The following MGAM2 variants were observed in gnomAD, a reference collection of about 807,000 sequenced individuals.
MGAM2 encodes maltase-glucoamylase 2 (putative).
MGAM2 carries 98 observed loss-of-function variants against 96.1 expected under a neutral mutation model. The observed-to-expected ratio is 1.02, with a 90% CI of 0.87 to 1.21. The LOEUF (loss-of-function observed/expected upper bound fraction) is 1.21. MGAM2 is among the 50% of genes most tolerant of loss of function. MGAM2 has a pLI of 0.00. For missense variants in MGAM2, 2,055 were observed against 1,182.4 expected, an observed-to-expected ratio of 1.74 and a Z score of -10.82; for synonymous variants, 749 against 414.8, an observed-to-expected ratio of 1.81 and a Z score of -9.79.
chr7:142,153,720 G>A (rs982948259), intron 15 of MGAM2, among the ~76,000 whole-genome samples: 3 of 152,160 alleles, frequency 2.0e-5, no homozygotes, highest in African/African-American at 7.2e-5. Context: ...TGACCAAAAG[G>A]ACCAGACCAC....
Position 142,189,522 on chromosome 7 carries a change from C to G in MGAM2, c.4346+17C>G. ...CACATACGAGTGAGTGTCTTTTTGT[C>G]ACAGCAGCAAAGATAATTTTCCACA... On this transcript the variant is annotated intron_variant, in intron 37 of 47. Transcript: ENST00000477922. 1.4e-6 allele frequency: 1 copy of G among 729,140 alleles called. No homozygotes were observed. The highest frequency in any genetic ancestry group is 2.4e-6 in the Non-Finnish European group (1 of 417,898). 45.2% of individuals were successfully genotyped at this position (729,140 alleles called of 1,614,324 possible).
chr7:142,209,397 G>A (rs927224337), intron 46 of MGAM2, among the ~76,000 whole-genome samples: 2 of 152,066 alleles, frequency 1.3e-5, no homozygotes, highest in Non-Finnish European at 2.9e-5. Context: ...CATGGAAAGG[G>A]GTATGGATTT....
At position 142,187,644 on chromosome 7, in the gene MGAM2, G is replaced by C. The variant is rs76805546; in HGVS notation, c.4123-106G>C. On this transcript the variant is annotated intron_variant, in intron 35 of 47. Transcript: ENST00000477922. ...TTAAACACAGTGAACTAAACCACCA[G>C]CTGAGCTGAGGGCTTCAAAAGTCAT... 1.1e-5 allele frequency: 7 copies of C among 617,610 alleles called. No individual in the cohort carries two copies. The East Asian group carries it at 1.9e-4, about 17-fold the overall frequency. 38.3% of individuals were successfully genotyped at this position (617,610 alleles called of 1,614,324 possible).
intron 10 of MGAM2, among the ~76,000 whole-genome samples, chr7:142,138,999 C>T (rs895972162): frequency 6.6e-6 from 1 of 152,134 alleles, no homozygotes. Flanking sequence ...TAAGGAATGC[C>T]TTATACTGTG....
rs867444495 is a variant in MGAM2, at chr7:142,132,556, A to C, written c.575+471A>C. ...TATATAAAATATATAATTTAATTATACATTCCATATACTTTATATAATTTA... is the reference window on the plus strand; with the variant it reads ...TATATAAAATATATAATTTAATTATCCATTCCATATACTTTATATAATTTA... On this transcript the variant is annotated intron_variant, in intron 6 of 47. Coordinates refer to ENST00000477922, the MANE Select transcript of MGAM2 (RefSeq NM_001293626.2). 4.2e-3 allele frequency among the ~76,000 whole-genome samples: 565 copies of C among 132,962 alleles called. 4 individuals are homozygous for C. The highest frequency in any genetic ancestry group is 0.015 in the African/African-American group (537 of 34,904). The allele number at this position is 132,962 out of a possible 152,430, so 87.2% of individuals were successfully genotyped here.
intron 28 of MGAM2, among the ~76,000 whole-genome samples, 164 bp downstream of exon 28, chr7:142,171,604 G>T (rs7796300): frequency 0.15 from 8,816 of 59,668 alleles, 660 homozygotes; most frequent in African/African-American, 0.25. Flanking sequence ...TCCCTAAAAG[G>T]CATATATATA....
At position 142,121,098 on chromosome 7, in the gene MGAM2, T is replaced by C. The variant is rs1013759285; in HGVS notation, c.186+717T>C. Among the ~76,000 whole-genome samples, 4 of 152,332 alleles carry C rather than the reference T, an allele frequency of 2.6e-5. No individual in the cohort carries two copies. In the South Asian group the frequency reaches 8.3e-4, roughly 32 times the overall value. On this transcript the variant is annotated intron_variant, in intron 3 of 47. Coordinates refer to ENST00000477922, the MANE Select transcript of MGAM2 (RefSeq NM_001293626.2). Reference sequence around the variant, plus strand: ...GGTTAAAGTTTAAACAATATTCACATTTTGATAGTTTTGAATCTTCTTGTT... The same window carrying C: ...GGTTAAAGTTTAAACAATATTCACACTTTGATAGTTTTGAATCTTCTTGTT...
Position 142,220,066 on chromosome 7 carries a change from C to A in MGAM2, c.5555C>A (p.Thr1852Asn), listed in dbSNP as rs1380783269. The A allele has an allele frequency of 2.8e-6, 2 of 702,816 alleles. No homozygotes were observed. Among genetic ancestry groups the A allele is most frequent in the Non-Finnish European group, 5.2e-6 (2 of 384,938 alleles). 43.5% of individuals were successfully genotyped at this position (702,816 alleles called of 1,614,324 possible). Residue 1852 changes from threonine (T) to asparagine (N), a missense_variant, in exon 48 of 48, where the codon ACT becomes AAT. Physicochemically the swap from Thr to Asn is moderately conservative, Grantham distance 65 (BLOSUM62 0). Coordinates refer to ENST00000477922, the MANE Select transcript of MGAM2 (RefSeq NM_001293626.2). ...ITSSASANTT[T>N]GTTDTVPITT... The stretch of plus-strand genomic sequence containing the variant: ...AGTTCTGCCAGTGCAAATACTACCA[C>A]TGGCACTACTGATACTGTTCCTATC...
chr7:142,159,315 C>G lies in MGAM2; in HGVS notation c.2192C>G (p.Pro731Arg). The part of the protein sequence containing the change: ...EGVDEVKAYI[P>R]DATWYDYETG... ...GTGGACGAAGTGAAAGCATACATACCTGATGCCACCTGGTATGACTATGAG... is the reference window on the plus strand; with the variant it reads ...GTGGACGAAGTGAAAGCATACATACGTGATGCCACCTGGTATGACTATGAG... Residue 731 changes from proline to arginine, a missense_variant, in exon 20 of 48, where the codon CCT (proline) becomes CGT (arginine). Coordinates refer to ENST00000477922, the MANE Select transcript of MGAM2 (RefSeq NM_001293626.2). The G allele has an allele frequency of 1.4e-6, 1 of 702,572 alleles. No individual in the cohort carries two copies. The highest frequency in any genetic ancestry group is 2.6e-6 in the Non-Finnish European group (1 of 384,700). The allele number at this position is 702,572 out of a possible 1,614,324, so 43.5% of individuals were successfully genotyped here. A position where few individuals can be genotyped will look rare whatever the true frequency, so the allele number is the denominator to read the frequency against.
chr7:142,143,146 A>G (rs1795282707), intron 12 of MGAM2, among the ~76,000 whole-genome samples: 1 of 152,208 alleles, frequency 6.6e-6, no homozygotes, highest in African/African-American at 2.4e-5. Flanking sequence ...TTATAGGGAA[A>G]ATGAGCAAAA....
intron 37 of MGAM2, among the ~76,000 whole-genome samples, chr7:142,194,185 A>G (rs1796955941): frequency 6.6e-6 from 1 of 152,084 alleles, no homozygotes; most frequent in South Asian, 2.1e-4. Flanking sequence ...GTTGCATGCC[A>G]CCATGCCCAG....
Position 142,131,023 on chromosome 7 carries a change from T to C in MGAM2, c.262T>C (p.Trp88Arg). 1 of 702,676 alleles carries C rather than the reference T, an allele frequency of 1.4e-6. No homozygotes were observed. The highest frequency in any genetic ancestry group is 1.5e-5 in the South Asian group (1 of 67,582). 43.5% of individuals were successfully genotyped at this position (702,676 alleles called of 1,614,324 possible). A position where few individuals can be genotyped will look rare whatever the true frequency, so the allele number is the denominator to read the frequency against. Residue 88 changes from tryptophan to arginine, a missense_variant, in exon 4 of 48, where the codon TGG becomes CGG. Trp to Arg is a moderately radical substitution (Grantham distance 101, BLOSUM62 -3). Coordinates refer to ENST00000477922, the MANE Select transcript of MGAM2 (RefSeq NM_001293626.2). ...DANVPRCFFP[W>R]NWGYEASNGH... ...CAATGTCCCTAGGTGCTTCTTCCCC[T>C]GGAACTGGGGCTATGAAGCCAGCAA...
At chr7:142,180,376 A>T (rs1259119302) in intron 32 of MGAM2, among the ~76,000 whole-genome samples, 3 of 149,536 alleles carry the variant, frequency 2.0e-5, no homozygotes, top group Non-Finnish European at 4.5e-5. Flanking sequence ...ATGATCATTT[A>T]TTTTCTTCTG....
At position 142,203,045 on chromosome 7, in the gene MGAM2, G is replaced by A. The variant is rs1029582350; in HGVS notation, c.5137+3077G>A. ...TTTCTGTAATGATTGGTGATGATAA[G>A]CATTTTTTCATGTTTATTGGCCATT... On this transcript the variant is annotated intron_variant, in intron 45 of 47. Transcript: ENST00000477922. Among the ~76,000 whole-genome samples the A allele has an allele frequency of 2.6e-5, 4 of 152,140 alleles. No homozygotes were observed. In the East Asian group the frequency reaches 7.7e-4, roughly 29 times the overall value.
At chr7:142,195,069 G>A (rs968331964) in intron 37 of MGAM2, among the ~76,000 whole-genome samples, 3 of 152,082 alleles carry the variant, frequency 2.0e-5, no homozygotes, top group Non-Finnish European at 4.4e-5. Context: ...TTGAGGTACA[G>A]AAAAGCAGAG....
chr7:142,148,640 A>G lies in MGAM2; in HGVS notation c.1634+1067A>G, dbSNP rs528726231. Among the ~76,000 whole-genome samples, 1 of 152,346 alleles carries G rather than the reference A, an allele frequency of 6.6e-6. No individual in the cohort carries two copies. Among genetic ancestry groups the G allele is most frequent in the South Asian group, 2.1e-4 (1 of 4,832 alleles). ...ACAATACAATCATTATACCTAAGAG[A>G]GCAAGAAAATTTGGGGCCAGGCTTA... On this transcript the variant is annotated intron_variant, in intron 15 of 47. Coordinates refer to ENST00000477922, the MANE Select transcript of MGAM2 (RefSeq NM_001293626.2). The surrounding 1 kb of genome is among the most constrained non-coding windows in gnomAD (Gnocchi z 4.2).
rs1328943528 is a variant in MGAM2 at position 142,134,065 on chromosome 7, G to T, written c.660G>T (p.Gly220=). The T allele has an allele frequency of 7.9e-6, 6 of 762,146 alleles. No individual in the cohort carries two copies. In the African/African-American group the frequency reaches 8.5e-5, roughly 11 times the overall value. The allele number at this position is 762,146 out of a possible 1,614,324, so 47.2% of individuals were successfully genotyped here. ...GACTGCCCAGTGCCAATGTGTATGGGCTGGGAGAGCATGTGCACCAGCAGT... is the reference window on the plus strand; with the variant it reads ...GACTGCCCAGTGCCAATGTGTATGGTCTGGGAGAGCATGTGCACCAGCAGT... ...SFRLPSANVY[G]LGEHVHQQYR... Residue 220 remains glycine, a synonymous_variant, in exon 7 of 48, where the codon GGG becomes GGT. Coordinates refer to ENST00000477922, the MANE Select transcript of MGAM2 (RefSeq NM_001293626.2).
Position 142,172,732 on chromosome 7 carries a change from A to G in MGAM2, c.3529A>G (p.Thr1177Ala), listed in dbSNP as rs1796235960. The G allele has an allele frequency of 5.7e-6, 4 of 703,282 alleles. No individual in the cohort carries two copies. Among genetic ancestry groups the G allele is most frequent in the Non-Finnish European group, 1.0e-5 (4 of 385,184 alleles). 43.6% of individuals were successfully genotyped at this position (703,282 alleles called of 1,614,324 possible). A position where few individuals can be genotyped will look rare whatever the true frequency, so the allele number is the denominator to read the frequency against. ...GGACTTCTACATTGTTTTGGGGCCA[A>G]CCCCTGAACTTGTAACTCAGCAATA... The part of the protein sequence containing the change: ...ILDFYIVLGP[T>A]PELVTQQYTE... The change falls in exon 30 of 48, where the codon ACC (threonine) becomes GCC (alanine). Residue 1177 changes from threonine (T) to alanine (A), a missense_variant. Coordinates refer to ENST00000477922, the MANE Select transcript of MGAM2 (RefSeq NM_001293626.2).
chr7:142,167,698 A>G (rs1796070416), intron 26 of MGAM2, among the ~76,000 whole-genome samples: 1 of 152,104 alleles, frequency 6.6e-6, no homozygotes, highest in Non-Finnish European at 1.5e-5. Flanking sequence ...TCAGCCTCCC[A>G]AGTAGCCAGG....
Sources: gnomAD v4.1 joint callset for allele counts (sites outside exome capture counted in the v4.1 genomes callset) on GRCh38, gnomAD v4.1.1 for gene constraint, Gnocchi (gnomAD v3.1) non-coding constraint, MANE v1.5 for transcripts, NCBI Gene and HGNC (gene_info 2026-07-23, HGNC 2026-07-21) for gene names.